Variants in LRATD1 observed in about 807,000 individuals in gnomAD.
LRATD1 encodes the protein LRAT domain containing 1.
In LRATD1, 8 loss-of-function variants were observed where a neutral mutation model predicts 21.3. The observed-to-expected ratio is 0.38, with a 90% CI of 0.22 to 0.68. LRATD1 has a LOEUF of 0.68. Among genes scored for constraint, LRATD1 ranks in the 30% least tolerant of loss-of-function variants. The probability of loss-of-function intolerance (pLI) is 0.54; values close to 1 mark genes in which losing one functional copy is unlikely to be tolerated. For missense variants in LRATD1, 380 were observed against 404.0 expected (o/e 0.94, Z 0.51); for synonymous variants, 210 against 186.2 (o/e 1.13, Z -1.04).
chr2:14,650,667 C>CTT (rs1315097851), downstream of LRATD1: 1 of 152,110 alleles, frequency 6.6e-6, no homozygotes, highest in Non-Finnish European at 1.5e-5. Context: ...ATATAAACTC[C>CTT]TTGTAAACAT....
rs778159529 is a variant in LRATD1, at chr2:14,636,720, T to G, written c.*1862T>G. On this transcript the variant is annotated 3_prime_UTR_variant, in exon 2 of 2. Coordinates refer to ENST00000295092, the MANE Select transcript of LRATD1 (RefSeq NM_145175.4). ...CAATTGCATATTAACAGCTGTGATTTTGTTGGACAGCAAGTATTATGGCCA... is the reference window on the plus strand; with the variant it reads ...CAATTGCATATTAACAGCTGTGATTGTGTTGGACAGCAAGTATTATGGCCA... 1 of 167,172 alleles carries G rather than the reference T, an allele frequency of 6.0e-6. No individual in the cohort carries two copies. Among genetic ancestry groups the G allele is most frequent in the South Asian group, 2.1e-4 (1 of 4,838 alleles). The allele number at this position is 167,172 out of a possible 1,614,324, so 10.4% of individuals were successfully genotyped here. A position where few individuals can be genotyped will look rare whatever the true frequency, so the allele number is the denominator to read the frequency against.
In LRATD1 at chr2:14,635,492, C is replaced by G. The variant is rs909516502; in HGVS notation, c.*634C>G. On this transcript the variant is annotated 3_prime_UTR_variant, in exon 2 of 2. Coordinates refer to ENST00000295092, the MANE Select transcript of LRATD1 (RefSeq NM_145175.4). ...GCCCCAGGTCTCCTGACATTGTGTT[C>G]CAGGCTGCGGGCTAAGCCAGACAGT... The G allele has an allele frequency of 4.2e-6, 2 of 471,090 alleles. No individual in the cohort carries two copies. Among genetic ancestry groups the G allele is most frequent in the African/African-American group, 4.0e-5 (2 of 50,092 alleles). The allele number at this position is 471,090 out of a possible 1,614,324, so 29.2% of individuals were successfully genotyped here. A position where few individuals can be genotyped will look rare whatever the true frequency, so the allele number is the denominator to read the frequency against.
chr2:14,634,843 GGAC>G lies in LRATD1; in HGVS notation c.868_870del (p.Asp290del), dbSNP rs1464007045. On this transcript the variant is annotated inframe_deletion, in exon 2 of 2. Coordinates refer to ENST00000295092, the MANE Select transcript of LRATD1 (RefSeq NM_145175.4). ...TGCTCCAGGAGCTCGCCGACCTCGT[GGAC>G]GACAAGGAGTAGCCGCCTAGGGGCT... is the stretch of plus-strand genomic sequence containing the variant. 2 of 1,609,188 alleles carry G rather than the reference GGAC, an allele frequency of 1.2e-6. No individual in the cohort carries two copies. Among genetic ancestry groups the G allele is most frequent in the Non-Finnish European group, 1.7e-6 (2 of 1,177,158 alleles).
Position 14,639,342 on chromosome 2 carries a change from G to A in LRATD1, c.*4484G>A, listed in dbSNP as rs1018097705. ...CTAAAAGGAAAAAATTCAAAGGAAA[G>A]TTGTAAATATTAGGAAGTAACTGAA... On this transcript the variant is annotated 3_prime_UTR_variant, in exon 2 of 2. Transcript: ENST00000295092. 4.8e-5 allele frequency: 8 copies of A among 167,010 alleles called. No homozygotes were observed. Among genetic ancestry groups the A allele is most frequent in the Non-Finnish European group, 1.0e-4 (7 of 68,098 alleles). The allele number at this position is 167,010 out of a possible 1,614,324, so 10.3% of individuals were successfully genotyped here.
intron 4 of LRATD1, chr2:14,646,533 A>G (rs891798875): frequency 2.6e-5 from 4 of 152,182 alleles, no homozygotes; most frequent in Non-Finnish European, 1.5e-5. Context: ...TGTTGGGAAA[A>G]ATGTCTTTCA....
intron 4 of LRATD1, among the ~76,000 whole-genome samples, chr2:14,647,629 C>T (rs999053048): frequency 5.9e-5 from 9 of 151,994 alleles, no homozygotes; most frequent in Non-Finnish European, 1.2e-4. Flanking sequence ...CACTTAAGAC[C>T]TTGCTTTTTC....
chr2:14,634,319 A>C lies in LRATD1; in HGVS notation c.340A>C (p.Thr114Pro), dbSNP rs758865053. ...QGADLSVYAVTALPALCEPGD... is the reference protein window; with the variant it reads ...QGADLSVYAVPALPALCEPGD... ...CGCCGACCTAAGCGTCTACGCGGTC[A>C]CCGCGCTGCCAGCGCTCTGCGAACC... The change falls in exon 2 of 2, where the codon ACC becomes CCC. Residue 114 changes from threonine (T) to proline (P), a missense_variant. Coordinates refer to ENST00000295092, the MANE Select transcript of LRATD1 (RefSeq NM_145175.4). 33 of 1,595,378 alleles carry C rather than the reference A, an allele frequency of 2.1e-5. No individual in the cohort carries two copies. The highest frequency in any genetic ancestry group is 5.1e-5 in the Admixed American group (3 of 59,102).
chr2:14,643,218 C>A (rs1671833912), downstream of LRATD1, among the ~76,000 whole-genome samples: 1 of 152,216 alleles, frequency 6.6e-6, no homozygotes, highest in Non-Finnish European at 1.5e-5. Flanking sequence ...CATGTGTCTG[C>A]TTTATTTGTG....
rs561402930 is a variant in LRATD1, at chr2:14,634,995, C to T, written c.*137C>T. ...GCGTCCGCCGCCGGTGGCCCGGGCCCGGGCTGCACCCCCGCATCCCCAAGC... is the reference window on the plus strand; with the variant it reads ...GCGTCCGCCGCCGGTGGCCCGGGCCTGGGCTGCACCCCCGCATCCCCAAGC... On this transcript the variant is annotated 3_prime_UTR_variant, in exon 2 of 2. Transcript: ENST00000295092. The T allele has an allele frequency of 1.7e-6, 2 of 1,190,594 alleles. No individual in the cohort carries two copies. The highest frequency in any genetic ancestry group is 2.3e-5 in the Admixed American group (1 of 43,440). The allele number at this position is 1,190,594 out of a possible 1,614,324, so 73.8% of individuals were successfully genotyped here.
Position 14,633,975 on chromosome 2 carries a change from C to T in LRATD1, c.-5C>T, listed in dbSNP as rs780878834. Reference sequence around the variant, plus strand: ...GCTCCTGGCCCTCGCCTCGCCACCTCATTGATGGGCAACCAACTGGACCGC... The same window carrying T: ...GCTCCTGGCCCTCGCCTCGCCACCTTATTGATGGGCAACCAACTGGACCGC... On this transcript the variant is annotated 5_prime_UTR_variant, in exon 2 of 2. Coordinates refer to ENST00000295092, the MANE Select transcript of LRATD1 (RefSeq NM_145175.4). The surrounding 1 kb of genome is among the most constrained non-coding windows in gnomAD (Gnocchi z 7.5). 1 of 1,606,638 alleles carries T rather than the reference C, an allele frequency of 6.2e-7. No individual in the cohort carries two copies. The highest frequency in any genetic ancestry group is 8.5e-7 in the Non-Finnish European group (1 of 1,174,326).
At chr2:14,642,516 T>C (rs1339207477), downstream of LRATD1, among the ~76,000 whole-genome samples, 1 of 152,200 alleles carries the variant, frequency 6.6e-6, no homozygotes, top group Non-Finnish European at 1.5e-5. Context: ...GAATGGGCTG[T>C]AGACTGCCCG....
downstream of LRATD1, among the ~76,000 whole-genome samples, chr2:14,641,429 T>C (rs1671804646): frequency 6.6e-6 from 1 of 152,170 alleles, no homozygotes; most frequent in South Asian, 2.1e-4. Flanking sequence ...ATATGACGAA[T>C]ACTTTCCTAG....
intron 4 of LRATD1, among the ~76,000 whole-genome samples, chr2:14,647,681 C>A (rs1671918993): frequency 6.6e-6 from 1 of 151,954 alleles, no homozygotes; most frequent in African/African-American, 2.4e-5. Context: ...ATATAGCAAT[C>A]TGTAACTATT....
Position 14,635,104 on chromosome 2 carries a change from C to T in LRATD1, c.*246C>T. On this transcript the variant is annotated 3_prime_UTR_variant, in exon 2 of 2. Transcript: ENST00000295092. ...TGGCTGACAGCCACAGCGGTGGTGACGGTGCTGGGAGACCCCGCGTGCGCT... is the reference window on the plus strand; with the variant it reads ...TGGCTGACAGCCACAGCGGTGGTGATGGTGCTGGGAGACCCCGCGTGCGCT... 1.4e-6 allele frequency: 1 copy of T among 709,706 alleles called. No individual in the cohort carries two copies. The highest frequency in any genetic ancestry group is 1.5e-5 in the South Asian group (1 of 65,434). 44.0% of individuals were successfully genotyped at this position (709,706 alleles called of 1,614,324 possible).
chr2:14,640,944 A>G (rs993572724), downstream of LRATD1, among the ~76,000 whole-genome samples: 1 of 152,238 alleles, frequency 6.6e-6, no homozygotes, highest in Non-Finnish European at 1.5e-5. Context: ...ATAAAAATAC[A>G]GGATGCTCAG....
chr2:14,645,506 C>T (rs968477974), intron 2 of LRATD1, among the ~76,000 whole-genome samples: 8 of 152,086 alleles, frequency 5.3e-5, no homozygotes, highest in East Asian at 1.9e-4. Flanking sequence ...AAATGCTAGA[C>T]GGAATCTTTT....
In LRATD1 at chr2:14,639,552, G is replaced by A. The variant is rs548831567; in HGVS notation, c.*4694G>A. 2 of 167,070 alleles carry A rather than the reference G, an allele frequency of 1.2e-5. No homozygotes were observed. Among genetic ancestry groups the A allele is most frequent in the East Asian group, 3.9e-4 (2 of 5,190 alleles). The allele number at this position is 167,070 out of a possible 1,614,324, so 10.3% of individuals were successfully genotyped here. A position where few individuals can be genotyped will look rare whatever the true frequency, so the allele number is the denominator to read the frequency against. On this transcript the variant is annotated 3_prime_UTR_variant, in exon 2 of 2. Coordinates refer to ENST00000295092, the MANE Select transcript of LRATD1 (RefSeq NM_145175.4). ...TCATAACTCAAAGTTTACCTTTGAG[G>A]TTGTATGTTTACCTCATTTGAACTC...
chr2:14,645,049 G>A (rs568034909), intron 2 of LRATD1, among the ~76,000 whole-genome samples: 1 of 152,212 alleles, frequency 6.6e-6, no homozygotes. Context: ...CCTTCTGAAG[G>A]AAAAAGCAAA....
rs566255791 is a variant in LRATD1 at position 14,635,353 on chromosome 2, C to T, written c.*495C>T. The T allele has an allele frequency of 2.1e-6, 1 of 475,726 alleles. No homozygotes were observed. Among genetic ancestry groups the T allele is most frequent in the Non-Finnish European group, 4.3e-6 (1 of 230,386 alleles). 29.5% of individuals were successfully genotyped at this position (475,726 alleles called of 1,614,324 possible). ...CCTCTGTGGATGCGTCCCCAGATCG[C>T]AGGATTTCCAAGAAATCGAGCCTGT... On this transcript the variant is annotated 3_prime_UTR_variant, in exon 2 of 2. Transcript: ENST00000295092.
Sources: gnomAD v4.1 joint callset for allele counts (sites outside exome capture counted in the v4.1 genomes callset) on GRCh38, gnomAD v4.1.1 for gene constraint, Gnocchi (gnomAD v3.1) non-coding constraint, MANE v1.5 for transcripts, NCBI Gene and HGNC (gene_info 2026-07-23, HGNC 2026-07-21) for gene names.